Variants in NTRK3 observed in about 807,000 individuals in gnomAD.
NTRK3 encodes NT-3 growth factor receptor.
NTRK3 carries 24 observed loss-of-function variants against 91.7 expected under a neutral mutation model. That is an observed-to-expected ratio of 0.26 (90% CI 0.19 to 0.37). The LOEUF is 0.37. Among genes scored for constraint, NTRK3 ranks in the 10% least tolerant of loss-of-function variants. NTRK3 has a pLI of 1.00. For synonymous variants in NTRK3, 483 were observed against 404.0 expected (o/e 1.20, Z -2.34); for missense variants, 880 against 1,068.9 (o/e 0.82, Z 2.46).
At chr15:88,115,568 C>A (rs1415999617) in intron 13 of NTRK3, among the ~76,000 whole-genome samples, 3 of 152,216 alleles carry the variant, frequency 2.0e-5, no homozygotes, top group Admixed American at 6.5e-5. Flanking sequence ...TGCCTGGGAA[C>A]AGGTTTGCAG....
intron 3 of NTRK3, among the ~76,000 whole-genome samples, chr15:88,187,409 G>A (rs1421861325): frequency 6.6e-6 from 1 of 152,186 alleles, no homozygotes; most frequent in Non-Finnish European, 1.5e-5. Flanking sequence ...CTCACCACTT[G>A]GTACCCAACC....
At chr15:88,069,021 T>C (rs1478632230) in intron 13 of NTRK3, among the ~76,000 whole-genome samples, 1 of 152,092 alleles carries the variant, frequency 6.6e-6, no homozygotes, top group African/African-American at 2.4e-5. Context: ...CTGGCTATTA[T>C]GGGGCTGTAA....
intron 6 of NTRK3, 134 bp from the exon 7 acceptor site, chr15:88,137,695 G>T (rs1362762199): frequency 2.3e-6 from 2 of 882,074 alleles, no homozygotes; most frequent in Non-Finnish European, 3.5e-6. Flanking sequence ...GGTTACAAAA[G>T]AAGTGGAAAA....
chr15:88,053,696 T>G (rs1021178330), intron 13 of NTRK3, among the ~76,000 whole-genome samples: 6 of 152,122 alleles, frequency 3.9e-5, no homozygotes, highest in African/African-American at 1.4e-4. Context: ...GATTCTAAGG[T>G]TGTTATGAGA....
chr15:88,130,704 G>T (rs954845453), intron 10 of NTRK3, among the ~76,000 whole-genome samples: 1 of 152,152 alleles, frequency 6.6e-6, no homozygotes, highest in Non-Finnish European at 1.5e-5. Context: ...AAAAAAACTA[G>T]TATTCTTGCA....
intron 3 of NTRK3, among the ~76,000 whole-genome samples, chr15:88,208,028 G>A (rs1367810640): frequency 2.6e-5 from 4 of 152,076 alleles, no homozygotes; most frequent in African/African-American, 4.8e-5. Flanking sequence ...GGTTTGCATC[G>A]ATGTCACCCC....
At chr15:87,933,303 T>A in intron 15 of NTRK3, 119 bp from the exon 16 acceptor site, 2 of 971,810 alleles carry the variant, frequency 2.1e-6, no homozygotes, top group Non-Finnish European at 3.1e-6. Context: ...TGAATCTAAA[T>A]GGAATTTAAA....
At position 88,066,168 on chromosome 15, in the gene NTRK3, C is replaced by T. The variant is rs542852116; in HGVS notation, c.1397-33123G>A. Among the ~76,000 whole-genome samples the T allele has an allele frequency of 1.4e-4, 22 of 152,270 alleles. 1 individual carries two copies. In the South Asian group the frequency reaches 4.6e-3, roughly 32 times the overall value. ...CAATTCTCTGATGATAAAGACCTTG[C>T]TTTTTCTATTCTCCATAGTCCCTAA... On this transcript the variant is annotated intron_variant, in intron 13 of 18. Coordinates refer to ENST00000394480, the Ensembl canonical transcript of NTRK3.
At chr15:88,206,852 A>T (rs1251746439) in intron 3 of NTRK3, among the ~76,000 whole-genome samples, 1 of 152,076 alleles carries the variant, frequency 6.6e-6, no homozygotes, top group East Asian at 1.9e-4. Context: ...GGCCCCACGC[A>T]GGGCCTTTGT....
intron 13 of NTRK3, among the ~76,000 whole-genome samples, chr15:88,092,077 G>A (rs2049067728): frequency 6.6e-6 from 1 of 152,202 alleles, no homozygotes; most frequent in Non-Finnish European, 1.5e-5. Flanking sequence ...GCCCACTTCT[G>A]CCTTACATAG....
chr15:88,218,778 G>T (rs985174024), intron 3 of NTRK3, among the ~76,000 whole-genome samples: 2 of 152,200 alleles, frequency 1.3e-5, no homozygotes, highest in Non-Finnish European at 2.9e-5. Context: ...CATCTGCTCC[G>T]GTCACAGGAG....
At chr15:87,984,584 T>G (rs1267182584) in intron 14 of NTRK3, among the ~76,000 whole-genome samples, 1 of 152,274 alleles carries the variant, frequency 6.6e-6, no homozygotes, top group African/African-American at 2.4e-5. Flanking sequence ...AGGTTATTTC[T>G]TTTATTACTC....
At chr15:88,102,027 A>T (rs2150882221) in intron 13 of NTRK3, among the ~76,000 whole-genome samples, 1 of 152,222 alleles carries the variant, frequency 6.6e-6, no homozygotes, top group Non-Finnish European at 1.5e-5. Context: ...ATAATAAAAT[A>T]AAATAAAAAA....
chr15:88,124,122 A>AT (rs2053031861), intron 13 of NTRK3, among the ~76,000 whole-genome samples: 2 of 152,238 alleles, frequency 1.3e-5, no homozygotes, highest in African/African-American at 4.8e-5. Context: ...ATCTGGCTTC[A>AT]TAAAGATGAA....
chr15:87,942,313 C>CTATG (rs1222560677), intron 14 of NTRK3, among the ~76,000 whole-genome samples: 2 of 152,254 alleles, frequency 1.3e-5, no homozygotes, highest in Non-Finnish European at 2.9e-5. Flanking sequence ...CACTGCAGGG[C>CTATG]TATGCCCCAG....
chr15:87,942,888 T>C (rs865966363), intron 14 of NTRK3, among the ~76,000 whole-genome samples: 3 of 152,068 alleles, frequency 2.0e-5, no homozygotes, highest in Non-Finnish European at 2.9e-5. Flanking sequence ...AAAGGAGAAA[T>C]GAGGGCCAAA....
At chr15:87,883,088 C>T (rs974355927) in intron 17 of NTRK3, among the ~76,000 whole-genome samples, 2 of 144,882 alleles carry the variant, frequency 1.4e-5, no homozygotes, top group African/African-American at 2.5e-5. Context: ...TAATTGGCTA[C>T]ATATATGCAT....
In NTRK3 at chr15:87,880,457, G is replaced by T. The variant is rs778190738; in HGVS notation, c.2134-29C>A. 1.5e-5 allele frequency: 24 copies of T among 1,611,750 alleles called. No individual in the cohort carries two copies. The East Asian group carries it at 5.1e-4, about 34-fold the overall frequency. ...AAAGGGGTTGAGATAGAGGCACACA[G>T]AGTGACCAGATGGCCAGAATGAGTG... On this transcript the variant is annotated intron_variant, in intron 17 of 18. Transcript: ENST00000394480.
At chr15:88,152,527 A>G (rs1391009971) in intron 5 of NTRK3, among the ~76,000 whole-genome samples, 1 of 152,182 alleles carries the variant, frequency 6.6e-6, no homozygotes, top group African/African-American at 2.4e-5. Flanking sequence ...CAAGGAGAGA[A>G]GCCTCAGAAG....
Sources: allele counts gnomAD v4.1 joint callset (sites outside exome capture counted in the v4.1 genomes callset), GRCh38; gene constraint gnomAD v4.1.1; transcripts MANE v1.5; gene names NCBI Gene and HGNC (gene_info 2026-07-23, HGNC 2026-07-21).